Variants in RBFOX1 observed in about 807,000 individuals in gnomAD.
RBFOX1 encodes the protein RNA binding protein fox-1 homolog 1.
Under a neutral mutation model 57.7 loss-of-function variants are expected in RBFOX1, and 8 were observed. That is an observed-to-expected ratio of 0.14 (90% CI 0.08 to 0.25). The LOEUF (loss-of-function observed/expected upper bound fraction) is 0.25, where lower values mean the gene tolerates loss of function less well. RBFOX1 is among the 10% of genes least tolerant of loss of function. RBFOX1 has a pLI of 1.00. For missense variants in RBFOX1, 611 were observed against 548.5 expected (o/e 1.11, Z -1.14); for synonymous variants, 326 against 222.4 (o/e 1.47, Z -4.15).
chr16:6,598,797 T>C (rs192036500), intron 2 of RBFOX1, among the ~76,000 whole-genome samples: 3 of 151,882 alleles, frequency 2.0e-5, no homozygotes, highest in Admixed American at 2.0e-4. Flanking sequence ...AATACAAAAA[T>C]TAGCTGGGCA....
At chr16:5,439,208 G>C (rs914075528) in intron 1 of RBFOX1, among the ~76,000 whole-genome samples, 7 of 151,984 alleles carry the variant, frequency 4.6e-5, no homozygotes, top group African/African-American at 1.7e-4. Context: ...GAGAAGATGT[G>C]GTATGGAATG....
At chr16:7,406,168 A>G (rs554964892) in intron 4 of RBFOX1, among the ~76,000 whole-genome samples, 17 of 152,310 alleles carry the variant, frequency 1.1e-4, no homozygotes, top group Admixed American at 1.0e-3. Flanking sequence ...TGGTTTTTCC[A>G]GAAAACCTCA....
At chr16:7,272,174 T>G (rs1342079331) in intron 4 of RBFOX1, among the ~76,000 whole-genome samples, 1 of 152,216 alleles carries the variant, frequency 6.6e-6, no homozygotes, top group Non-Finnish European at 1.5e-5. Flanking sequence ...TACTCTTTGC[T>G]TGACCATTTC....
intron 3 of RBFOX1, among the ~76,000 whole-genome samples, chr16:7,001,863 C>G (rs946004803): frequency 1.3e-5 from 2 of 152,136 alleles, no homozygotes; most frequent in East Asian, 3.9e-4. Context: ...GCACTTGTCT[C>G]AACTTTTCTT....
intron 2 of RBFOX1, among the ~76,000 whole-genome samples, chr16:6,521,727 A>C (rs138680058): frequency 1.1e-3 from 172 of 152,258 alleles, no homozygotes; most frequent in African/African-American, 3.5e-3. Context: ...AAAAATTGCA[A>C]AATTTCTGGG....
chr16:5,955,386 TAAAATAAAATAAAATAAAATAAAATAA>T (rs1156490007), intron 4 of RBFOX1, among the ~76,000 whole-genome samples: 2,491 of 76,778 alleles, frequency 0.032, 151 homozygotes, highest in African/African-American at 0.081. Flanking sequence ...TAAAATAAAA[TAAAATAAAATAAAATAAAATAAAATAA>T]AAGTCTTTCC....
At chr16:6,665,524 C>T (rs1013809737) in intron 3 of RBFOX1, among the ~76,000 whole-genome samples, 8 of 151,658 alleles carry the variant, frequency 5.3e-5, no homozygotes, top group African/African-American at 1.7e-4. Context: ...ACTTGGGAGG[C>T]TGAGGTAGGA....
At chr16:5,854,561 C>A (rs2056977228) in intron 3 of RBFOX1, among the ~76,000 whole-genome samples, 1 of 143,560 alleles carries the variant, frequency 7.0e-6, no homozygotes. Context: ...TATCTTACCC[C>A]CCCCACACAC....
At chr16:6,825,301 A>G (rs1453312167) in intron 3 of RBFOX1, among the ~76,000 whole-genome samples, 1 of 151,412 alleles carries the variant, frequency 6.6e-6, no homozygotes, top group African/African-American at 2.4e-5. Context: ...ATGTCTGTAG[A>G]TATTGCCCAT....
chr16:6,810,967 C>T (rs2088390026), intron 3 of RBFOX1, among the ~76,000 whole-genome samples: 1 of 152,150 alleles, frequency 6.6e-6, no homozygotes, highest in Non-Finnish European at 1.5e-5. Flanking sequence ...ACAGATATTT[C>T]ACTAAATGCT....
At chr16:5,789,897 G>A (rs1322976829) in intron 3 of RBFOX1, among the ~76,000 whole-genome samples, 1 of 152,194 alleles carries the variant, frequency 6.6e-6, no homozygotes, top group African/African-American at 2.4e-5. Context: ...CTACCTTAAG[G>A]AAGTGAGCCT....
intron 2 of RBFOX1, among the ~76,000 whole-genome samples, chr16:6,648,913 A>G (rs549121529): frequency 4.6e-5 from 7 of 152,336 alleles, no homozygotes; most frequent in Non-Finnish European, 1.0e-4. Flanking sequence ...GAATGGCTAA[A>G]TAGAGCCAAT....
intron 2 of RBFOX1, among the ~76,000 whole-genome samples, chr16:6,479,282 C>A (rs1046575224): frequency 6.6e-6 from 1 of 152,208 alleles, no homozygotes; most frequent in Non-Finnish European, 1.5e-5. Context: ...ACACATCTTA[C>A]ATGGCGGCAG....
In RBFOX1 at chr16:7,316,165, C is replaced by T. The variant is rs538973923; in HGVS notation, c.28-201982C>T. Among the ~76,000 whole-genome samples the T allele has an allele frequency of 7.9e-5, 12 of 152,310 alleles. 1 individual carries two copies. The South Asian group carries it at 2.5e-3, about 32-fold the overall frequency. On this transcript the variant is annotated intron_variant, in intron 4 of 15. Transcript: ENST00000550418. ...GTGTTTATATGAGGGATGGATCCTC[C>T]ACTTTGTGTATCAGAGAAAGATCAA...
chr16:6,367,569 C>A (rs979161745), intron 2 of RBFOX1, among the ~76,000 whole-genome samples: 8 of 152,066 alleles, frequency 5.3e-5, no homozygotes, highest in Non-Finnish European at 8.8e-5. Flanking sequence ...TGCGCCTGGC[C>A]CCTTCTTGGA....
intron 9 of RBFOX1, among the ~76,000 whole-genome samples, chr16:7,602,659 T>C (rs1049779848): frequency 6.6e-6 from 1 of 152,282 alleles, no homozygotes; most frequent in Admixed American, 6.5e-5. Context: ...GATTTGCATA[T>C]ATTTACATAA....
intron 3 of RBFOX1, among the ~76,000 whole-genome samples, chr16:6,778,159 C>T (rs776227050): frequency 2.0e-5 from 3 of 152,086 alleles, no homozygotes; most frequent in Non-Finnish European, 4.4e-5. Context: ...TCATGAGAAT[C>T]GAATTTCAAA....
intron 2 of RBFOX1, among the ~76,000 whole-genome samples, chr16:6,629,875 A>AAT (rs2098361136): frequency 6.6e-6 from 1 of 151,394 alleles, no homozygotes; most frequent in African/African-American, 2.4e-5. Flanking sequence ...GCACTAGCTT[A>AAT]ATGTTATGAA....
At chr16:7,255,101 C>A (rs1922595) in intron 4 of RBFOX1, among the ~76,000 whole-genome samples, 25 of 151,802 alleles carry the variant, frequency 1.6e-4, no homozygotes, top group African/African-American at 5.8e-4. Flanking sequence ...AGGGAGTATC[C>A]CCAATGTGCC....
Sources: allele counts gnomAD v4.1 joint callset (sites outside exome capture counted in the v4.1 genomes callset), GRCh38; gene constraint gnomAD v4.1.1; transcripts MANE v1.5; gene names NCBI Gene and HGNC (gene_info 2026-07-23, HGNC 2026-07-21).